The following ELOVL7 variants were observed in gnomAD, a reference collection of about 807,000 sequenced individuals.
ELOVL7 encodes ELOVL fatty acid elongase 7.
In ELOVL7, 27 loss-of-function variants were observed where a neutral mutation model predicts 35.7. The ratio of observed to expected loss-of-function variants is 0.76; its 90% confidence interval spans 0.56 to 1.04. ELOVL7 has a LOEUF of 1.04. Ranked by LOEUF, ELOVL7 falls within the 50% of genes least tolerant of loss-of-function variation. The pLI is 0.00. For missense variants in ELOVL7, 327 were observed against 340.8 expected (o/e 0.96, Z 0.32); for synonymous variants, 113 against 114.6 (o/e 0.99, Z 0.09).
At chr5:60,834,520 G>A (rs1045134637) in intron 1 of ELOVL7, among the ~76,000 whole-genome samples, 9 of 152,294 alleles carry the variant, frequency 5.9e-5, no homozygotes, top group African/African-American at 1.7e-4. Flanking sequence ...TAAGAAGCAT[G>A]AGCCAGGCAG....
At chr5:60,825,517 C>T (rs776079669) in intron 1 of ELOVL7, among the ~76,000 whole-genome samples, 3 of 152,230 alleles carry the variant, frequency 2.0e-5, no homozygotes, top group Non-Finnish European at 4.4e-5. Context: ...ATATTATAAG[C>T]TGCTTAGGGG....
intron 1 of ELOVL7, among the ~76,000 whole-genome samples, chr5:60,818,626 A>G (rs1210679891): frequency 6.6e-6 from 1 of 152,176 alleles, no homozygotes; most frequent in East Asian, 1.9e-4. Flanking sequence ...CGGGGCTTGA[A>G]GCTATAGCTT....
chr5:60,800,089 A>G lies in ELOVL7; in HGVS notation c.-85-859T>C, dbSNP rs540237814. On this transcript the variant is annotated intron_variant, in intron 1 of 8. Transcript: ENST00000508821. ...ATAGTGATTCTTCTCAAACTCTTCG[A>G]AAAAAAAATGAAGAGGAGGGAATAC... Among the ~76,000 whole-genome samples, 18 of 149,610 alleles carry G rather than the reference A, an allele frequency of 1.2e-4. No individual in the cohort carries two copies. In the South Asian group the frequency reaches 1.7e-3, roughly 14 times the overall value.
intron 4 of ELOVL7, among the ~76,000 whole-genome samples, chr5:60,771,457 C>A (rs984851772): frequency 6.6e-6 from 1 of 152,206 alleles, no homozygotes; most frequent in African/African-American, 2.4e-5. Flanking sequence ...AAACAGTCTA[C>A]CATCCCATAG....
chr5:60,757,735 C>A, intron 7 of ELOVL7, 90 bp from the exon 8 acceptor site: 2 of 1,238,830 alleles, frequency 1.6e-6, no homozygotes, highest in South Asian at 2.3e-5. Flanking sequence ...ATAATTATTT[C>A]TTGCATTTTG....
intron 1 of ELOVL7, among the ~76,000 whole-genome samples, chr5:60,804,158 A>T (rs2112296949): frequency 6.6e-6 from 1 of 152,328 alleles, no homozygotes; most frequent in South Asian, 2.1e-4. Flanking sequence ...TGATATAGCA[A>T]CAGGCCCCAG....
intron 8 of ELOVL7, among the ~76,000 whole-genome samples, chr5:60,756,391 C>T (rs1275041325): frequency 6.6e-6 from 1 of 152,042 alleles, no homozygotes; most frequent in Non-Finnish European, 1.5e-5. Context: ...ATTTTTTTCT[C>T]TTTGCTTAAT....
chr5:60,840,223 T>A (rs891610230), intron 1 of ELOVL7, among the ~76,000 whole-genome samples: 2 of 152,100 alleles, frequency 1.3e-5, no homozygotes, highest in African/African-American at 4.8e-5. Flanking sequence ...CCCCAATACC[T>A]CACAGTGTGC....
chr5:60,756,541 A>T lies in ELOVL7; in HGVS notation c.636+968T>A, dbSNP rs576199564. On this transcript the variant is annotated intron_variant, in intron 8 of 8. Coordinates refer to ENST00000508821, the MANE Select transcript of ELOVL7 (RefSeq NM_024930.3). ...AAATAATATATTTTACCATATCCTTATGATTGGTCATTTAGTTTGCTGCCA... is the reference window on the plus strand; with the variant it reads ...AAATAATATATTTTACCATATCCTTTTGATTGGTCATTTAGTTTGCTGCCA... Among the ~76,000 whole-genome samples, 8 of 152,282 alleles carry T rather than the reference A, an allele frequency of 5.3e-5. No individual in the cohort carries two copies. In the East Asian group the frequency reaches 1.5e-3, roughly 29 times the overall value.
chr5:60,780,787 C>A (rs1283500541), intron 3 of ELOVL7, among the ~76,000 whole-genome samples: 1 of 152,204 alleles, frequency 6.6e-6, no homozygotes, highest in African/African-American at 2.4e-5. Flanking sequence ...CATGGGGGAA[C>A]TGCGCCCATG....
intron 3 of ELOVL7, among the ~76,000 whole-genome samples, chr5:60,786,601 G>T (rs994868801): frequency 6.6e-6 from 1 of 152,100 alleles, no homozygotes; most frequent in East Asian, 1.9e-4. Flanking sequence ...TGGTTTTCCT[G>T]TTCCCTGTTC....
At chr5:60,766,779 G>A (rs1742266504) in intron 5 of ELOVL7, 149 bp from the exon 6 acceptor site, 2 of 616,542 alleles carry the variant, frequency 3.2e-6, no homozygotes, top group Admixed American at 3.3e-5. Context: ...CCTTCACACT[G>A]TTGTTCAACC....
rs574125270 is a variant in ELOVL7, at chr5:60,783,567, G to T, written c.64+3767C>A. ...CTGACTCTGTTTATGATCCCATTTGGGATAGTGAATAGCAAAAGTTGGATA... is the reference window on the plus strand; with the variant it reads ...CTGACTCTGTTTATGATCCCATTTGTGATAGTGAATAGCAAAAGTTGGATA... On this transcript the variant is annotated intron_variant, in intron 3 of 8. Transcript: ENST00000508821. 2.0e-5 allele frequency among the ~76,000 whole-genome samples: 3 copies of T among 152,220 alleles called. No individual in the cohort carries two copies. In the East Asian group the frequency reaches 5.8e-4, roughly 29 times the overall value.
intron 1 of ELOVL7, among the ~76,000 whole-genome samples, chr5:60,840,048 G>A (rs754440109): frequency 3.9e-5 from 6 of 152,086 alleles, no homozygotes; most frequent in Non-Finnish European, 7.4e-5. Context: ...ATAAGCACAA[G>A]TGGCACATCA....
intron 3 of ELOVL7, among the ~76,000 whole-genome samples, chr5:60,777,373 C>T (rs986161947): frequency 4.0e-5 from 6 of 151,110 alleles, no homozygotes; most frequent in Admixed American, 2.0e-4. Context: ...ACTATTTACC[C>T]GCAAAAATTA....
At chr5:60,837,326 T>TG (rs1471299589) in intron 1 of ELOVL7, among the ~76,000 whole-genome samples, 4 of 25,092 alleles carry the variant, frequency 1.6e-4, no homozygotes, top group African/African-American at 4.6e-4. Flanking sequence ...GGGGGGGGAG[T>TG]GGGGGGTGGG....
At chr5:60,768,693 G>A (rs1742394861) in intron 4 of ELOVL7, 2 of 455,958 alleles carry the variant, frequency 4.4e-6, no homozygotes, top group African/African-American at 4.0e-5. Context: ...AACAGTATCT[G>A]AAAAGGAAAA....
intron 3 of ELOVL7, among the ~76,000 whole-genome samples, chr5:60,781,293 G>A (rs1162507957): frequency 6.6e-6 from 1 of 151,870 alleles, no homozygotes; most frequent in African/African-American, 2.4e-5. Flanking sequence ...TTTGCATGGT[G>A]GGAGTTTAGT....
intron 4 of ELOVL7, among the ~76,000 whole-genome samples, chr5:60,769,210 C>T (rs1742427905): frequency 1.3e-5 from 2 of 152,172 alleles, no homozygotes; most frequent in South Asian, 4.1e-4. Flanking sequence ...AATAAGGGCA[C>T]GTGACATAGA....
Sources: gnomAD v4.1 joint callset for allele counts (sites outside exome capture counted in the v4.1 genomes callset) on GRCh38, gnomAD v4.1.1 for gene constraint, MANE v1.5 for transcripts, NCBI Gene and HGNC (gene_info 2026-07-23, HGNC 2026-07-21) for gene names.